ITGA9: variants seen among roughly 807,000 people sequenced by gnomAD.
ITGA9 encodes integrin alpha-9.
Under a neutral mutation model 127.8 loss-of-function variants are expected in ITGA9, and 56 were observed. The ratio of observed to expected loss-of-function variants is 0.44; its 90% CI spans 0.35 to 0.55. The LOEUF (loss-of-function observed/expected upper bound fraction) is 0.55. Among genes scored for constraint, ITGA9 ranks in the 20% least tolerant of loss-of-function variants. ITGA9 has a pLI of 0.00. For missense variants in ITGA9, 1,196 were observed against 1,347.1 expected (o/e 0.89, Z 1.76); for synonymous variants, 508 against 514.5 (o/e 0.99, Z 0.17).
rs2125567502 is a variant in ITGA9 at position 37,814,904 on chromosome 3, A to G, written c.3010-3987A>G. Among the ~76,000 whole-genome samples the G allele has an allele frequency of 6.6e-6, 1 of 152,348 alleles. No homozygotes were observed. The highest frequency in any genetic ancestry group is 1.9e-4 in the East Asian group (1 of 5,182). On this transcript the variant is annotated intron_variant, in intron 27 of 27. Coordinates refer to ENST00000264741, the MANE Select transcript of ITGA9 (RefSeq NM_002207.3). The surrounding 1 kb of genome is among the most constrained non-coding windows in gnomAD (Gnocchi z 4.3). Reference sequence around the variant, plus strand: ...TTAAGAAATGGTCTTCAGACTCTAAAAAAAGGAAGACATACATCAGTGGTA... The same window carrying G: ...TTAAGAAATGGTCTTCAGACTCTAAGAAAAGGAAGACATACATCAGTGGTA...
chr3:37,741,628 C>G, intron 20 of ITGA9, 102 bp from the exon 21 acceptor site: 1 of 908,894 alleles, frequency 1.1e-6, no homozygotes, highest in Non-Finnish European at 1.8e-6. Context: ...GCCATCTGCC[C>G]TTGGAGAATG....
At chr3:37,517,685 G>T in intron 10 of ITGA9, 76 bp downstream of exon 10, 1 of 1,052,694 alleles carries the variant, frequency 9.5e-7, no homozygotes, top group Non-Finnish European at 1.4e-6. Context: ...CAGCCTGCTC[G>T]CTGACTGTCC....
chr3:37,499,639 A>G (rs1049606117), intron 5 of ITGA9, among the ~76,000 whole-genome samples: 3 of 152,140 alleles, frequency 2.0e-5, no homozygotes, highest in African/African-American at 7.2e-5. Context: ...AGAAAAAACA[A>G]CTATGAGGGA....
chr3:37,657,879 T>G (rs995191003), intron 17 of ITGA9, among the ~76,000 whole-genome samples: 2 of 152,238 alleles, frequency 1.3e-5, no homozygotes, highest in African/African-American at 4.8e-5. Context: ...TCCCAGCAAT[T>G]CTGGTATGTT....
intron 23 of ITGA9, among the ~76,000 whole-genome samples, chr3:37,759,461 G>A (rs1696696859): frequency 6.6e-6 from 1 of 151,884 alleles, no homozygotes; most frequent in Non-Finnish European, 1.5e-5. Context: ...ACTAAAATCA[G>A]TTTAAATAAA....
chr3:37,518,300 T>C (rs886929404), intron 10 of ITGA9, among the ~76,000 whole-genome samples: 1 of 152,106 alleles, frequency 6.6e-6, no homozygotes, highest in Admixed American at 6.5e-5. Flanking sequence ...GTGGTGGAGG[T>C]GGGGCAACCC....
At chr3:37,712,987 G>T (rs1701094826) in intron 18 of ITGA9, among the ~76,000 whole-genome samples, 1 of 152,178 alleles carries the variant, frequency 6.6e-6, no homozygotes, top group African/African-American at 2.4e-5. Flanking sequence ...GATAATAGCA[G>T]GTGCAGACCG....
At chr3:37,715,903 C>G (rs1285039789) in intron 18 of ITGA9, among the ~76,000 whole-genome samples, 2 of 152,166 alleles carry the variant, frequency 1.3e-5, no homozygotes, top group Non-Finnish European at 2.9e-5. Flanking sequence ...AAAACAAAAT[C>G]CTGAGATGAG....
At chr3:37,741,687 C>G (rs1328818028) in intron 20 of ITGA9, 43 bp from the exon 21 acceptor site, 9 of 1,474,548 alleles carry the variant, frequency 6.1e-6, no homozygotes, top group Non-Finnish European at 8.5e-6. Context: ...TGCTGGACAG[C>G]TAGTGTTGGC....
At chr3:37,649,670 A>G (rs1700411774) in intron 16 of ITGA9, among the ~76,000 whole-genome samples, 1 of 152,232 alleles carries the variant, frequency 6.6e-6, no homozygotes, top group Non-Finnish European at 1.5e-5. Flanking sequence ...ACAGAAAATC[A>G]GTAAAGAAGC....
intron 9 of ITGA9, among the ~76,000 whole-genome samples, chr3:37,514,601 A>C (rs1698965968): frequency 1.3e-5 from 2 of 152,068 alleles, no homozygotes; most frequent in South Asian, 2.1e-4. Context: ...GCAAAGTATC[A>C]CTCCATCACC....
chr3:37,784,236 T>C (rs187001649), intron 25 of ITGA9, among the ~76,000 whole-genome samples: 158 of 152,300 alleles, frequency 1.0e-3, no homozygotes, highest in Non-Finnish European at 1.5e-3. Flanking sequence ...CCACAGTTTT[T>C]CCAGTCCCTG....
At chr3:37,532,721 G>A (rs911430766) in intron 13 of ITGA9, among the ~76,000 whole-genome samples, 1 of 152,200 alleles carries the variant, frequency 6.6e-6, no homozygotes, top group African/African-American at 2.4e-5. Flanking sequence ...TCATAAGACT[G>A]GGCAGGTTGA....
At chr3:37,776,297 A>G (rs111979657) in intron 23 of ITGA9, among the ~76,000 whole-genome samples, 7 of 152,212 alleles carry the variant, frequency 4.6e-5, no homozygotes, top group African/African-American at 1.2e-4. Flanking sequence ...AAGTTTACCT[A>G]TATAACACAC....
At chr3:37,480,467 G>A (rs1244029786) in intron 3 of ITGA9, among the ~76,000 whole-genome samples, 2 of 152,166 alleles carry the variant, frequency 1.3e-5, no homozygotes. Context: ...CCTCAGAGAG[G>A]CCTTCCTTGA....
intron 26 of ITGA9, 72 bp downstream of exon 26, chr3:37,785,150 G>A: frequency 9.7e-7 from 1 of 1,026,774 alleles, no homozygotes; most frequent in Non-Finnish European, 1.5e-6. Context: ...ACCTGGAGCT[G>A]GAATTTGAGG....
intron 4 of ITGA9, among the ~76,000 whole-genome samples, chr3:37,484,591 C>G (rs972781102): frequency 6.6e-6 from 1 of 152,160 alleles, no homozygotes; most frequent in Non-Finnish European, 1.5e-5. Context: ...CCACCTAGAA[C>G]AGCCTCCTGT....
intron 18 of ITGA9, among the ~76,000 whole-genome samples, chr3:37,690,642 A>G (rs1453672316): frequency 6.6e-6 from 1 of 152,222 alleles, no homozygotes; most frequent in Non-Finnish European, 1.5e-5. Flanking sequence ...GGGTGCAAAC[A>G]GGATGCAACA....
At chr3:37,764,905 T>C (rs1271971902) in intron 23 of ITGA9, among the ~76,000 whole-genome samples, 1 of 152,244 alleles carries the variant, frequency 6.6e-6, no homozygotes, top group Non-Finnish European at 1.5e-5. Flanking sequence ...CTGAACACTT[T>C]ACCTAAAGTT....
Sources: allele counts gnomAD v4.1 joint callset (sites outside exome capture counted in the v4.1 genomes callset), GRCh38; gene constraint gnomAD v4.1.1; non-coding constraint Gnocchi (gnomAD v3.1); transcripts MANE v1.5; gene names NCBI Gene and HGNC (gene_info 2026-07-23, HGNC 2026-07-21).